The following NPAS3 variants were observed in gnomAD, a reference collection of about 807,000 sequenced individuals.
NPAS3 encodes neuronal PAS domain-containing protein 3.
NPAS3 carries 14 observed loss-of-function variants against 73.1 expected under a neutral mutation model. That is an observed-to-expected ratio of 0.19 (90% CI 0.13 to 0.30). The LOEUF (loss-of-function observed/expected upper bound fraction) is 0.30, where lower values mean the gene tolerates loss of function less well. NPAS3 is among the 10% of genes least tolerant of loss of function. The pLI is 1.00. For missense variants in NPAS3, 1,096 were observed against 1,250.0 expected (o/e 0.88, Z 1.86); for synonymous variants, 620 against 541.5 (o/e 1.14, Z -2.01).
intron 6 of NPAS3, among the ~76,000 whole-genome samples, chr14:33,683,858 T>G (rs924699311): frequency 6.6e-6 from 1 of 152,234 alleles, no homozygotes; most frequent in African/African-American, 2.4e-5. Flanking sequence ...CAGGCCACTG[T>G]GATAATGGTT....
At chr14:32,999,522 AT>A (rs773019757) in intron 1 of NPAS3, among the ~76,000 whole-genome samples, 18 of 150,646 alleles carry the variant, frequency 1.2e-4, no homozygotes, top group African/African-American at 4.4e-4. Flanking sequence ...AAAAAAAAAA[AT>A]AAAAGTTATA....
At chr14:32,964,397 A>T (rs2037062495) in intron 1 of NPAS3, among the ~76,000 whole-genome samples, 1 of 152,116 alleles carries the variant, frequency 6.6e-6, no homozygotes, top group African/African-American at 2.4e-5. Context: ...TGTCTCCTGA[A>T]TTCCAGATCC....
chr14:33,038,339 A>T (rs533618795), intron 1 of NPAS3, among the ~76,000 whole-genome samples: 11 of 152,306 alleles, frequency 7.2e-5, no homozygotes, highest in African/African-American at 2.6e-4. Flanking sequence ...GGATCAGGTT[A>T]ATACAAATAA....
At chr14:33,546,444 C>A (rs756932922) in intron 4 of NPAS3, among the ~76,000 whole-genome samples, 43 of 152,304 alleles carry the variant, frequency 2.8e-4, no homozygotes, top group East Asian at 7.7e-4. Context: ...TAATAAGTTT[C>A]TTCCAATCAC....
intron 1 of NPAS3, among the ~76,000 whole-genome samples, chr14:32,946,346 G>GTGCACA: frequency 7.6e-6 from 1 of 131,972 alleles, no homozygotes; most frequent in South Asian, 2.7e-4. Context: ...ACACACACAC[G>GTGCACA]CGCACACACA....
intron 4 of NPAS3, among the ~76,000 whole-genome samples, chr14:33,413,400 A>T (rs2048016397): frequency 6.6e-6 from 1 of 152,078 alleles, no homozygotes; most frequent in African/African-American, 2.4e-5. Context: ...TCCTATCAAG[A>T]CTGCTTTGCT....
At chr14:33,134,335 A>G (rs991564117) in intron 2 of NPAS3, among the ~76,000 whole-genome samples, 1 of 151,918 alleles carries the variant, frequency 6.6e-6, no homozygotes, top group Non-Finnish European at 1.5e-5. Flanking sequence ...ATTTCCCTTG[A>G]TCTCAGCATG....
At chr14:33,731,805 A>G (rs1394350417) in intron 6 of NPAS3, among the ~76,000 whole-genome samples, 1 of 152,226 alleles carries the variant, frequency 6.6e-6, no homozygotes, top group Non-Finnish European at 1.5e-5. Flanking sequence ...AGCTGAGATA[A>G]TTTAGGTTTA....
chr14:32,956,994 A>G (rs939982068), intron 1 of NPAS3, among the ~76,000 whole-genome samples: 89 of 152,218 alleles, frequency 5.8e-4, no homozygotes, highest in Non-Finnish European at 6.5e-4. Context: ...CCACAAACCA[A>G]TATAACCATG....
At chr14:33,476,412 A>G (rs908795482) in intron 4 of NPAS3, among the ~76,000 whole-genome samples, 8 of 152,192 alleles carry the variant, frequency 5.3e-5, no homozygotes, top group Admixed American at 2.6e-4. Context: ...GATTTCATAA[A>G]TTAACTAGGC....
intron 6 of NPAS3, among the ~76,000 whole-genome samples, chr14:33,694,362 C>G (rs2060315936): frequency 6.6e-6 from 1 of 152,112 alleles, no homozygotes; most frequent in Admixed American, 6.6e-5. Context: ...AGTTAGTGTT[C>G]TGTCAATCTT....
At chr14:33,139,106 T>A (rs2043948125) in intron 2 of NPAS3, among the ~76,000 whole-genome samples, 1 of 152,192 alleles carries the variant, frequency 6.6e-6, no homozygotes, top group African/African-American at 2.4e-5. Flanking sequence ...ATTGGGTGTC[T>A]GTCTAGATGA....
At chr14:33,187,264 C>G (rs1176180802) in intron 2 of NPAS3, among the ~76,000 whole-genome samples, 2 of 152,208 alleles carry the variant, frequency 1.3e-5, no homozygotes, top group African/African-American at 4.8e-5. Context: ...CTCCATTCCA[C>G]AGCTGTATTG....
chr14:33,188,948 T>G (rs2046074341), intron 2 of NPAS3, among the ~76,000 whole-genome samples: 1 of 152,202 alleles, frequency 6.6e-6, no homozygotes, highest in Non-Finnish European at 1.5e-5. Context: ...TTCAGAGATT[T>G]TGAGACAGAT....
At chr14:33,669,635 T>C (rs2059554545) in intron 5 of NPAS3, among the ~76,000 whole-genome samples, 1 of 152,174 alleles carries the variant, frequency 6.6e-6, no homozygotes, top group Non-Finnish European at 1.5e-5. Context: ...CTTCAAAGAG[T>C]TTGTGGACCT....
chr14:33,761,555 A>T (rs997876612), intron 7 of NPAS3, among the ~76,000 whole-genome samples: 1 of 152,088 alleles, frequency 6.6e-6, no homozygotes, highest in South Asian at 2.1e-4. Context: ...AGGGGGTTTC[A>T]GGAGAAATCT....
At chr14:33,142,586 C>T (rs1218508435) in intron 2 of NPAS3, among the ~76,000 whole-genome samples, 1 of 152,146 alleles carries the variant, frequency 6.6e-6, no homozygotes, top group Admixed American at 6.5e-5. Flanking sequence ...TCCTACTTCT[C>T]TTTTCTAAAT....
In NPAS3 at chr14:33,130,983, T is replaced by C. The variant is rs888193243; in HGVS notation, c.140+74989T>C. 4.6e-5 allele frequency among the ~76,000 whole-genome samples: 7 copies of C among 152,244 alleles called. No individual in the cohort carries two copies. The South Asian group carries it at 1.2e-3, about 27-fold the overall frequency. Reference sequence around the variant, plus strand: ...AAGCCTCAGAGATGGGTATTTATTCTACTCTTAAAGATATACAGAGAAGTT... The same window carrying C: ...AAGCCTCAGAGATGGGTATTTATTCCACTCTTAAAGATATACAGAGAAGTT... On this transcript the variant is annotated intron_variant, in intron 2 of 11. Coordinates refer to ENST00000356141, the Ensembl canonical transcript of NPAS3.
At chr14:32,968,038 C>G (rs2037257000) in intron 1 of NPAS3, among the ~76,000 whole-genome samples, 1 of 151,846 alleles carries the variant, frequency 6.6e-6, no homozygotes. Flanking sequence ...GAAAGTTGAC[C>G]TCATAAAAGT....
Sources: allele counts gnomAD v4.1 joint callset (sites outside exome capture counted in the v4.1 genomes callset), GRCh38; gene constraint gnomAD v4.1.1; transcripts MANE v1.5; gene names NCBI Gene and HGNC (gene_info 2026-07-23, HGNC 2026-07-21).